ZNF195: variants seen among roughly 807,000 people sequenced by gnomAD.
The protein encoded by ZNF195 is hypoxia-regulated factor-1.
ZNF195 carries 11 observed loss-of-function variants against 19.5 expected under a neutral mutation model. The observed-to-expected ratio is 0.57, with a 90% CI of 0.36 to 0.94. The LOEUF is 0.94. Among genes scored for constraint, ZNF195 ranks in the 40% least tolerant of loss-of-function variants. The pLI is 0.01. For synonymous variants in ZNF195, 214 were observed against 248.1 expected (o/e 0.86, Z 1.29); for missense variants, 582 against 709.0 (o/e 0.82, Z 2.03).
Position 3,361,854 on chromosome 11 carries a change from C to A in ZNF195, c.262G>T (p.Glu88Ter), listed in dbSNP as rs1229363995. 2 of 527,144 alleles carry A rather than the reference C, an allele frequency of 3.8e-6. No individual in the cohort carries two copies. Among genetic ancestry groups the A allele is most frequent in the Admixed American group, 4.9e-5 (2 of 40,434 alleles). The allele number at this position is 527,144 out of a possible 1,614,324, so 32.7% of individuals were successfully genotyped here. ...GGCAGATCGCTTGAGCCCAGGAGTT[C>A]AAGACAAGCCTGAGTAGCATGGTGA... ...GFHHATQACLELLGSSDLPAS... is the reference protein window; with the variant it reads ...GFHHATQACL The change falls in exon 4 of 6, where the codon GAA (glutamate) becomes TAA (stop). Residue 88 changes from glutamate (E) to a stop codon, truncating the protein, a stop_gained. Coordinates refer to ENST00000399602, the MANE Select transcript of ZNF195 (RefSeq NM_001130520.3). LOFTEE classifies it high-confidence loss of function.
At position 3,359,206 on chromosome 11, in the gene ZNF195, G is replaced by A. The variant is rs1033189679; in HGVS notation, c.1802C>T (p.Thr601Ile). 2.5e-6 allele frequency: 4 copies of A among 1,613,934 alleles called. No individual in the cohort carries two copies. The highest frequency in any genetic ancestry group is 2.2e-5 in the South Asian group (2 of 91,022). The change falls in exon 6 of 6, where the codon ACT becomes ATT. Residue 601 changes from threonine to isoleucine, a missense_variant. Around this residue, in one of 3 missense-constraint regions of ZNF195, gnomAD observed 407 missense variants for 530.5 expected, o/e 0.77. Coordinates refer to ENST00000399602, the MANE Select transcript of ZNF195 (RefSeq NM_001130520.3). The surrounding 1 kb of genome is among the most constrained non-coding windows in gnomAD (Gnocchi z 5.5). Reference sequence around the variant, plus strand: ...TTCACACTTGTAGGGTTTCTCTCCAGTATGAATTCTCTTATGTACAATAAG... The same window carrying A: ...TTCACACTTGTAGGGTTTCTCTCCAATATGAATTCTCTTATGTACAATAAG... ...SNLIVHKRIH[T>I]GEKPYKCEKC...
chr11:3,365,218 C>T (rs571429991), intron 3 of ZNF195, among the ~76,000 whole-genome samples: 2 of 152,222 alleles, frequency 1.3e-5, no homozygotes, highest in South Asian at 4.1e-4. Flanking sequence ...ACTCTAAGAC[C>T]CCATTTGCAA....
chr11:3,372,636 G>A (rs1489513911), intron 1 of ZNF195, among the ~76,000 whole-genome samples: 1 of 151,904 alleles, frequency 6.6e-6, no homozygotes, highest in African/African-American at 2.4e-5. Flanking sequence ...CCCAGGTTCT[G>A]ACAAATAAAT....
intron 3 of ZNF195, among the ~76,000 whole-genome samples, chr11:3,363,864 C>G (rs1259821594): frequency 6.6e-6 from 1 of 152,084 alleles, no homozygotes; most frequent in East Asian, 1.9e-4. Flanking sequence ...AAAAATAAAA[C>G]ACAGAAAAAA....
At chr11:3,374,139 T>TAGA (rs1185762423) in intron 1 of ZNF195, among the ~76,000 whole-genome samples, 1 of 152,242 alleles carries the variant, frequency 6.6e-6, no homozygotes, top group African/African-American at 2.4e-5. Context: ...GTGATTTAAT[T>TAGA]AGAAGCCAGG....
chr11:3,378,935 G>T, intron 1 of ZNF195, 103 bp downstream of exon 1: 2 of 1,268,390 alleles, frequency 1.6e-6, no homozygotes, highest in Non-Finnish European at 2.0e-6. Context: ...TCGGGTCCGC[G>T]GAGCCCGGAA....
intron 3 of ZNF195, chr11:3,368,732 G>C (rs374834726): frequency 2.5e-6 from 1 of 403,774 alleles, no homozygotes. Context: ...GAAAACTGCC[G>C]CAGAGACCAA....
At position 3,360,006 on chromosome 11, in the gene ZNF195, T is replaced by C. The variant is rs1454671133; in HGVS notation, c.1002A>G (p.Lys334=). The change falls in exon 6 of 6, where the codon AAA becomes AAG. Residue 334 remains lysine, a synonymous_variant. Transcript: ENST00000399602. ...TAAGGTGGGAGCACTGGTTAAATAC[T>C]TTGCCAAATTCTTCACATCTGTAAT... ...GEHYRCEEFG[K]VFNQCSHLTE... is the part of the protein sequence containing the mutation. 1.2e-6 allele frequency: 2 copies of C among 1,614,056 alleles called. No homozygotes were observed. The highest frequency in any genetic ancestry group is 1.1e-5 in the South Asian group (1 of 91,084).
At chr11:3,360,947 G>A (rs546564610) in intron 4 of ZNF195, among the ~76,000 whole-genome samples, 159 bp from the exon 5 acceptor site, 1 of 152,288 alleles carries the variant, frequency 6.6e-6, no homozygotes, top group Non-Finnish European at 1.5e-5. Context: ...TTTACTTTTG[G>A]CCTTTTGAAG....
Position 3,371,026 on chromosome 11 carries a change from G to C in ZNF195, c.175C>G (p.Arg59Gly). Residue 59 changes from arginine to glycine, a missense_variant, in exon 3 of 6, where the codon CGA (arginine) becomes GGA (glycine). Coordinates refer to ENST00000399602, the MANE Select transcript of ZNF195 (RefSeq NM_001130520.3). ...KPGLITCLEQ[R>G]KEPWNVKRQE... is the part of the protein sequence containing the mutation. Reference sequence around the variant, plus strand: ...CTCTTCACATTCCAGGGCTCTTTTCGTTGCTCCAGGCAGGTGATCAGGCCT... The same window carrying C: ...CTCTTCACATTCCAGGGCTCTTTTCCTTGCTCCAGGCAGGTGATCAGGCCT... 1 of 1,613,916 alleles carries C rather than the reference G, an allele frequency of 6.2e-7. No individual in the cohort carries two copies. Among genetic ancestry groups the C allele is most frequent in the Non-Finnish European group, 8.5e-7 (1 of 1,179,928 alleles).
Position 3,377,783 on chromosome 11 carries a change from A to G in ZNF195, c.3+1255T>C, listed in dbSNP as rs80078696. ...ATGGCCATGGTGGGCATCCTGTGTT[A>G]TCCCTGGACAATACTGAAACTGAGG... On this transcript the variant is annotated intron_variant, in intron 1 of 5. Coordinates refer to ENST00000399602, the MANE Select transcript of ZNF195 (RefSeq NM_001130520.3). 1.7e-3 allele frequency: 1,719 copies of G among 1,007,148 alleles called. 25 individuals are homozygous for G. In the African/African-American group the frequency reaches 0.028, roughly 16 times the overall value. 62.4% of individuals were successfully genotyped at this position (1,007,148 alleles called of 1,614,324 possible).
intron 3 of ZNF195, among the ~76,000 whole-genome samples, chr11:3,363,955 T>TA (rs2133681890): frequency 6.6e-6 from 1 of 152,244 alleles, no homozygotes; most frequent in African/African-American, 2.4e-5. Context: ...AAAGAAGTCT[T>TA]ACAAAAAATA....
Position 3,360,569 on chromosome 11 carries a change from A to G in ZNF195, c.443-4T>C, listed in dbSNP as rs756104790. ...TGGGTAAAATGAGAAGACATAGCTG[A>G]AAAAAAAAAAAAAAGTTATCCGACT... On this transcript the variant is annotated splice_region_variant and splice_polypyrimidine_tract_variant and intron_variant, in intron 5 of 5. Coordinates refer to ENST00000399602, the MANE Select transcript of ZNF195 (RefSeq NM_001130520.3). 14 of 228,238 alleles carry G rather than the reference A, an allele frequency of 6.1e-5. No homozygotes were observed. In the South Asian group the frequency reaches 7.5e-4, roughly 12 times the overall value. 14.1% of individuals were successfully genotyped at this position (228,238 alleles called of 1,614,324 possible).
rs1848477140 is a variant in ZNF195 at position 3,358,369 on chromosome 11, TA to T, written c.*748del. ...ATCTCATAAATCACTTACAAGTATA[TA>T]AAACAACCACAAAGAGCCTCTCTAC... On this transcript the variant is annotated 3_prime_UTR_variant, in exon 6 of 6. Coordinates refer to ENST00000399602, the MANE Select transcript of ZNF195 (RefSeq NM_001130520.3). 1.3e-5 allele frequency: 2 copies of T among 152,120 alleles called. No individual in the cohort carries two copies. Among genetic ancestry groups the T allele is most frequent in the South Asian group, 4.1e-4 (2 of 4,822 alleles). 9.4% of individuals were successfully genotyped at this position (152,120 alleles called of 1,614,324 possible). A position where few individuals can be genotyped will look rare whatever the true frequency, so the allele number is the denominator to read the frequency against.
rs1026277831 is a variant in ZNF195 at position 3,379,110 on chromosome 11, G to A, written c.-70C>T. 25 of 1,436,404 alleles carry A rather than the reference G, an allele frequency of 1.7e-5. No individual in the cohort carries two copies. In the African/African-American group the frequency reaches 2.2e-4, roughly 13 times the overall value. The allele number at this position is 1,436,404 out of a possible 1,614,324, so 89.0% of individuals were successfully genotyped here. On this transcript the variant is annotated 5_prime_UTR_variant, in exon 1 of 6. Coordinates refer to ENST00000399602, the MANE Select transcript of ZNF195 (RefSeq NM_001130520.3). ...GGTGCCTGCGGGTCACACGACCTAC[G>A]GCTAGCAGGGGACACAGAGCCGCGG... is the stretch of plus-strand genomic sequence containing the variant.
At chr11:3,378,915 T>C in intron 1 of ZNF195, 123 bp downstream of exon 1, 2 of 1,199,666 alleles carry the variant, frequency 1.7e-6, no homozygotes, top group Non-Finnish European at 2.1e-6. Context: ...ATGGTGCAGC[T>C]GGAGGGGCCT....
intron 1 of ZNF195, chr11:3,373,706 T>A: frequency 7.4e-7 from 1 of 1,348,038 alleles, no homozygotes; most frequent in Non-Finnish European, 1.0e-6. Context: ...CCCCTTCACC[T>A]GCTACCACCA....
chr11:3,365,448 C>CA (rs1413709352), intron 3 of ZNF195, among the ~76,000 whole-genome samples: 1 of 152,106 alleles, frequency 6.6e-6, no homozygotes, highest in Non-Finnish European at 1.5e-5. Flanking sequence ...AACTAGAAAT[C>CA]AAAAGCAAAA....
At chr11:3,373,182 G>T (rs1256077940) in intron 1 of ZNF195, among the ~76,000 whole-genome samples, 2 of 152,230 alleles carry the variant, frequency 1.3e-5, no homozygotes, top group South Asian at 2.1e-4. Flanking sequence ...GTCCTGTTCT[G>T]CATGCAGCTT....
Sources: allele counts gnomAD v4.1 joint callset (sites outside exome capture counted in the v4.1 genomes callset), GRCh38; gene constraint gnomAD v4.1.1; regional missense constraint gnomAD v4.1.1; non-coding constraint Gnocchi (gnomAD v3.1); transcripts MANE v1.5; gene names NCBI Gene and HGNC (gene_info 2026-07-23, HGNC 2026-07-21).